The following CCNH variants were observed in gnomAD, a reference collection of about 807,000 sequenced individuals.
CCNH encodes the protein cyclin H.
In CCNH, 31 loss-of-function variants were observed where a neutral mutation model predicts 41.9. The ratio of observed to expected loss-of-function variants is 0.74; its 90% CI spans 0.56 to 1.00. The LOEUF is 1.00. Ranked by LOEUF, CCNH falls within the 50% of genes least tolerant of loss-of-function variation. The pLI, the probability that CCNH is intolerant of heterozygous loss-of-function variation, is 0.00. For synonymous variants in CCNH, 138 were observed against 136.1 expected, an observed-to-expected ratio of 1.01 and a Z score of -0.10; for missense variants, 362 against 388.4, an observed-to-expected ratio of 0.93 and a Z score of 0.57.
intron 9 of CCNH, among the ~76,000 whole-genome samples, chr5:87,348,221 T>A (rs1759001595): frequency 6.6e-6 from 1 of 152,080 alleles, no homozygotes; most frequent in African/African-American, 2.4e-5. Flanking sequence ...TAAGGAGATT[T>A]ATTTTTTTCT....
intron 9 of CCNH, among the ~76,000 whole-genome samples, chr5:87,320,296 A>G (rs1425487235): frequency 1.3e-5 from 2 of 152,140 alleles, no homozygotes; most frequent in Non-Finnish European, 2.9e-5. Context: ...CCCAGTTCCA[A>G]AGTTGCTTCT....
rs757545588 is a variant in CCNH at position 87,394,412 on chromosome 5, GATTA to G, written c.*30_*33del. On this transcript the variant is annotated 3_prime_UTR_variant, in exon 9 of 9. Transcript: ENST00000256897. ...GTTTGATATGCTTCCTACTTCTCTT[GATTA>G]GTTAGCATTGAGAAATCAACTTCAA... is the stretch of plus-strand genomic sequence containing the variant. 9 of 1,602,386 alleles carry G rather than the reference GATTA, an allele frequency of 5.6e-6. No individual in the cohort carries two copies. The African/African-American group carries it at 1.2e-4, about 22-fold the overall frequency.
chr5:87,390,688 A>G (rs1353134343), downstream of CCNH: 6 of 816,262 alleles, frequency 7.4e-6, no homozygotes, highest in African/African-American at 1.0e-4. Flanking sequence ...GAATTGTGGT[A>G]ATATTTTATG....
chr5:87,353,329 G>A lies in CCNH; in HGVS notation c.*91-34432C>T, dbSNP rs940669149. Reference sequence around the variant, plus strand: ...TGCACACATTTGTACAATTCAAATTGGATACAACTTAAAACTACAGATTAT... The same window carrying A: ...TGCACACATTTGTACAATTCAAATTAGATACAACTTAAAACTACAGATTAT... On this transcript the variant is annotated intron_variant and NMD_transcript_variant, in intron 9 of 9. Coordinates refer to the CCNH transcript ENST00000645953. 44 of 981,654 alleles carry A rather than the reference G, an allele frequency of 4.5e-5. No homozygotes were observed. In the African/African-American group the frequency reaches 7.0e-4, roughly 16 times the overall value. 60.8% of individuals were successfully genotyped at this position (981,654 alleles called of 1,614,324 possible). A position where few individuals can be genotyped will look rare whatever the true frequency, so the allele number is the denominator to read the frequency against.
At chr5:87,394,645 A>G (rs1335245576) in intron 8 of CCNH, 161 bp from the exon 9 acceptor site, 2 of 1,440,332 alleles carry the variant, frequency 1.4e-6, no homozygotes, top group Admixed American at 5.4e-5. Flanking sequence ...TAATGTTGGC[A>G]TGGTCTCACC....
upstream of CCNH, chr5:87,378,516 T>C: frequency 6.2e-7 from 1 of 1,611,520 alleles, no homozygotes; most frequent in Non-Finnish European, 8.5e-7. Context: ...TTAAAGATAA[T>C]GGAAAGCAAG....
chr5:87,378,358 C>T (rs1320608776), upstream of CCNH: 1 of 1,606,286 alleles, frequency 6.2e-7, no homozygotes. Flanking sequence ...TTAGGTCAGT[C>T]CTTTACAAAT....
chr5:87,361,686 A>G (rs1760104684), intron 9 of CCNH, among the ~76,000 whole-genome samples: 1 of 152,180 alleles, frequency 6.6e-6, no homozygotes, highest in Admixed American at 6.5e-5. Context: ...GCTATAATGT[A>G]ACATATGCAT....
intron 9 of CCNH, among the ~76,000 whole-genome samples, chr5:87,339,795 A>G (rs759814911): frequency 1.2e-4 from 19 of 152,264 alleles, no homozygotes; most frequent in Non-Finnish European, 2.5e-4. Flanking sequence ...CACGTCATTT[A>G]TAAACAATTT....
At chr5:87,332,707 A>G (rs1333784524) in intron 9 of CCNH, 6 of 1,446,302 alleles carry the variant, frequency 4.1e-6, no homozygotes, top group African/African-American at 2.8e-5. Flanking sequence ...GGTTTTAGCT[A>G]TTGCTCAGTT....
At chr5:87,339,551 T>G (rs1758287746) in intron 9 of CCNH, among the ~76,000 whole-genome samples, 1 of 152,150 alleles carries the variant, frequency 6.6e-6, no homozygotes, top group Non-Finnish European at 1.5e-5. Flanking sequence ...TGAACTTTTC[T>G]TGAGCTCTTG....
At chr5:87,401,482 ACT>A (rs1166804448) in intron 6 of CCNH, among the ~76,000 whole-genome samples, 1 of 152,050 alleles carries the variant, frequency 6.6e-6, no homozygotes, top group Admixed American at 6.5e-5. Flanking sequence ...CTCTATTTTC[ACT>A]CTTTGCATAA....
chr5:87,370,532 T>C lies in CCNH; in HGVS notation c.*90+22238A>G, dbSNP rs139701007. On this transcript the variant is annotated intron_variant and NMD_transcript_variant, in intron 9 of 9. Coordinates refer to the CCNH transcript ENST00000645953. ...AAAAAATTAGCTAGGTGTTCTGGCT[T>C]ATGCCTGTAGTCCCAGCCACTGGGT... Among the ~76,000 whole-genome samples the C allele has an allele frequency of 7.2e-5, 11 of 152,280 alleles. No individual in the cohort carries two copies. The East Asian group carries it at 2.1e-3, about 29-fold the overall frequency.
At chr5:87,330,897 A>G in intron 9 of CCNH, 2 of 1,267,054 alleles carry the variant, frequency 1.6e-6, no homozygotes, top group East Asian at 2.7e-5. Context: ...GTCGCAGGGC[A>G]CAAACACTAA....
In CCNH at chr5:87,363,478, T is replaced by C. The variant is rs1448608354; in HGVS notation, c.*90+29292A>G. 1.2e-6 allele frequency: 2 copies of C among 1,612,506 alleles called. No individual in the cohort carries two copies. The highest frequency in any genetic ancestry group is 8.5e-7 in the Non-Finnish European group (1 of 1,178,828). ...TAGATCTCAGTGTATGTTCTGTCTA[T>C]GTCGTTCATGATAGTCTCTTTGGCA... On this transcript the variant is annotated intron_variant and NMD_transcript_variant, in intron 9 of 9. Coordinates refer to the CCNH transcript ENST00000645953.
chr5:87,331,167 T>G, intron 9 of CCNH: 1 of 899,658 alleles, frequency 1.1e-6, no homozygotes, highest in Non-Finnish European at 1.8e-6. Context: ...ACCAAGTAAA[T>G]GAGTATTTTT....
intron 1 of CCNH, chr5:87,412,236 C>A: frequency 1.0e-5 from 2 of 194,190 alleles, no homozygotes; most frequent in Non-Finnish European, 2.0e-5. Flanking sequence ...TACTCAACTT[C>A]GGCCACATAC....
chr5:87,336,915 G>A (rs1351787994), intron 9 of CCNH, among the ~76,000 whole-genome samples: 6 of 152,036 alleles, frequency 3.9e-5, no homozygotes, highest in Non-Finnish European at 7.4e-5. Flanking sequence ...GTTAAATGTT[G>A]TATAATACAA....
intron 7 of CCNH, among the ~76,000 whole-genome samples, chr5:87,398,338 T>G (rs1561345517): frequency 6.6e-6 from 1 of 152,232 alleles, no homozygotes; most frequent in East Asian, 1.9e-4. Flanking sequence ...TTCATAGTTA[T>G]CCAGCAGCAC....
Sources: allele counts gnomAD v4.1 joint callset (sites outside exome capture counted in the v4.1 genomes callset), GRCh38; gene constraint gnomAD v4.1.1; transcripts MANE v1.5; gene names NCBI Gene and HGNC (gene_info 2026-07-23, HGNC 2026-07-21).